TUBGCP2: variants seen among roughly 807,000 people sequenced by gnomAD.
TUBGCP2 encodes the protein tubulin gamma complex component 2.
TUBGCP2 carries 55 observed loss-of-function variants against 92.2 expected under a neutral mutation model. That is an observed-to-expected ratio of 0.60 (90% confidence interval 0.48 to 0.75). TUBGCP2 has a LOEUF of 0.75. Among genes scored for constraint, TUBGCP2 ranks in the 30% least tolerant of loss-of-function variants. TUBGCP2 has a pLI of 0.00. For synonymous variants in TUBGCP2, 533 were observed against 505.2 expected (o/e 1.06, Z -0.74); for missense variants, 1,093 against 1,188.9 (o/e 0.92, Z 1.19).
At chr10:133,298,768 C>T (rs922603422) in intron 4 of TUBGCP2, among the ~76,000 whole-genome samples, 51 of 152,338 alleles carry the variant, frequency 3.3e-4, no homozygotes, top group African/African-American at 1.2e-3. Flanking sequence ...CTGAGGGAGA[C>T]GTGGACAGAG....
upstream of TUBGCP2, chr10:133,310,376 A>T (rs775936204): frequency 5.3e-4 from 825 of 1,542,074 alleles, 12 homozygotes; most frequent in Middle Eastern, 3.4e-4. Flanking sequence ...GGTCAGACTT[A>T]TTAAGCACTT....
At position 133,289,911 on chromosome 10, in the gene TUBGCP2, C is replaced by G; in HGVS notation, c.1273G>C (p.Asp425His). ...GTGTACCGCTGGTCCCAGTACTTGT[C>G]GTTGTAATCCTCCTGGATCCTCTCC... ...RKERIQEDYN[D>H]KYWDQRYTIV... The change falls in exon 9 of 18, where the codon GAC (aspartate) becomes CAC (histidine). Residue 425 changes from aspartate to histidine, a missense_variant. By Grantham distance (81) the Asp-to-His change is moderately conservative. Around this residue, in one of 3 missense-constraint regions of TUBGCP2, gnomAD observed 598 missense variants for 675.5 expected, o/e 0.89. Transcript: ENST00000252936. The G allele has an allele frequency of 1.3e-6, 2 of 1,574,788 alleles. No homozygotes were observed. The highest frequency in any genetic ancestry group is 1.7e-6 in the Non-Finnish European group (2 of 1,160,938).
chr10:133,289,722 A>C, intron 9 of TUBGCP2, 102 bp downstream of exon 9: 11 of 1,363,948 alleles, frequency 8.1e-6, no homozygotes, highest in Non-Finnish European at 9.8e-6. Context: ...CAGGGCAACC[A>C]CAGGGTGAGG....
chr10:133,291,217 C>T (rs528632020), intron 8 of TUBGCP2, among the ~76,000 whole-genome samples: 7 of 151,090 alleles, frequency 4.6e-5, no homozygotes, highest in South Asian at 2.1e-4. Flanking sequence ...GGCCAGAGCC[C>T]CCAGAGAGGG....
At chr10:133,293,478 C>T in intron 6 of TUBGCP2, 84 bp downstream of exon 6, 1 of 1,455,268 alleles carries the variant, frequency 6.9e-7, no homozygotes, top group Admixed American at 2.0e-5. Flanking sequence ...AGAAGCGATG[C>T]AGACGTCCCC....
At chr10:133,287,221 G>A (rs1426386304) in intron 11 of TUBGCP2, among the ~76,000 whole-genome samples, 1 of 152,210 alleles carries the variant, frequency 6.6e-6, no homozygotes, top group East Asian at 1.9e-4. Flanking sequence ...AAGGGACTGA[G>A]CAGACCTGTG....
chr10:133,306,284 G>A (rs553096204), intron 1 of TUBGCP2, among the ~76,000 whole-genome samples: 68 of 152,270 alleles, frequency 4.5e-4, no homozygotes, highest in African/African-American at 1.1e-3. Flanking sequence ...TCCGGCCAGC[G>A]GCCCCTTCAA....
upstream of TUBGCP2, chr10:133,310,590 C>A (rs750360073): frequency 2.5e-6 from 1 of 406,998 alleles, no homozygotes; most frequent in Admixed American, 4.0e-5. Flanking sequence ...CTGGGCCATG[C>A]CTGTACCTCC....
intron 17 of TUBGCP2, among the ~76,000 whole-genome samples, chr10:133,280,454 G>C (rs1846938438): frequency 6.6e-6 from 1 of 152,200 alleles, no homozygotes; most frequent in Admixed American, 6.5e-5. Flanking sequence ...ACCCCCAAGG[G>C]CACCACCCCT....
chr10:133,299,645 C>A lies in TUBGCP2; in HGVS notation c.280-42G>T, dbSNP rs754201164. ...CTGTGTGTTCACACTGGGCCAGCAC[C>A]TCTTTGGCCATAGGGGGAGAGTAGG... On this transcript the variant is annotated intron_variant, in intron 3 of 17. Coordinates refer to ENST00000252936, the MANE Select transcript of TUBGCP2 (RefSeq NM_006659.4). 7 of 1,530,366 alleles carry A rather than the reference C, an allele frequency of 4.6e-6. No individual in the cohort carries two copies. The South Asian group carries it at 7.2e-5, about 16-fold the overall frequency. The allele number at this position is 1,530,366 out of a possible 1,614,324, so 94.8% of individuals were successfully genotyped here.
rs758268995 is a variant in TUBGCP2, at chr10:133,299,569, C to T, written c.314G>A (p.Arg105Lys). ...LQYLQQNAKE[R>K]AELAAAAVGS... ...CACAGCAGCGGCTGCAAGCTCAGCT[C>T]TTTCTTTTGCATTCTGTTGTAAGTA... Residue 105 changes from arginine (R) to lysine (K), a missense_variant, in exon 4 of 18, where the codon AGA becomes AAA. Physicochemically the swap from Arg to Lys is conservative, Grantham distance 26. Transcript: ENST00000252936. 1 of 1,613,128 alleles carries T rather than the reference C, an allele frequency of 6.2e-7. No homozygotes were observed. The highest frequency in any genetic ancestry group is 8.5e-7 in the Non-Finnish European group (1 of 1,179,600).
Position 133,297,991 on chromosome 10 carries a change from T to G in TUBGCP2, c.577A>C (p.Ile193Leu). ...ERPALIGDFL[I>L]GAGISTDTAL... Reference sequence around the variant, plus strand: ...GTGTCTGTGCTGATGCCAGCACCAATCAGGAAATCCCCGATCAGGGCAGGT... The same window carrying G: ...GTGTCTGTGCTGATGCCAGCACCAAGCAGGAAATCCCCGATCAGGGCAGGT... Residue 193 changes from isoleucine (I) to leucine (L), a missense_variant, in exon 5 of 18, where the codon ATT becomes CTT. Ile to Leu is a conservative substitution (Grantham distance 5). Coordinates refer to ENST00000252936, the MANE Select transcript of TUBGCP2 (RefSeq NM_006659.4). 6.2e-7 allele frequency: 1 copy of G among 1,613,898 alleles called. No homozygotes were observed. Among genetic ancestry groups the G allele is most frequent in the Non-Finnish European group, 8.5e-7 (1 of 1,179,918 alleles).
rs755717429 is a variant in TUBGCP2, at chr10:133,279,754, C to T, written c.*12G>A. 2 of 1,549,046 alleles carry T rather than the reference C, an allele frequency of 1.3e-6. No individual in the cohort carries two copies. The highest frequency in any genetic ancestry group is 1.2e-5 in the South Asian group (1 of 84,264). ...CTGACCCCACACCCTTCCTTCCTGT[C>T]ACAGCCAGGGCTCACTGTGCGGTGA... On this transcript the variant is annotated 3_prime_UTR_variant, in exon 18 of 18. Coordinates refer to ENST00000252936, the MANE Select transcript of TUBGCP2 (RefSeq NM_006659.4).
At chr10:133,310,239 C>T, upstream of TUBGCP2, 1 of 1,614,062 alleles carries the variant, frequency 6.2e-7, no homozygotes, top group Non-Finnish European at 8.5e-7. Context: ...GGTGAGGATG[C>T]ACCTGTACCC....
intron 1 of TUBGCP2, among the ~76,000 whole-genome samples, chr10:133,305,837 T>G (rs1411278320): frequency 6.6e-6 from 1 of 152,204 alleles, no homozygotes; most frequent in African/African-American, 2.4e-5. Flanking sequence ...TCACGGTAAC[T>G]ACAGTTCAAG....
At position 133,293,680 on chromosome 10, in the gene TUBGCP2, G is replaced by A. The variant is rs747298520; in HGVS notation, c.706C>T (p.Gln236Ter). 1 of 1,602,614 alleles carries A rather than the reference G, an allele frequency of 6.2e-7. No homozygotes were observed. The highest frequency in any genetic ancestry group is 8.5e-7 in the Non-Finnish European group (1 of 1,175,432). Residue 236 changes from glutamine (Q) to a stop codon, truncating the protein, a stop_gained, in exon 6 of 18, where the codon CAG becomes TAG. Coordinates refer to ENST00000252936, the MANE Select transcript of TUBGCP2 (RefSeq NM_006659.4). LOFTEE classifies it high-confidence loss of function. ...VGVDGRYVSA[Q>*]PLAGRQSRTF... is the part of the protein sequence containing the mutation. ...CGGCTCTGCCTCCCAGCCAGGGGCT[G>A]AGCACTGACGTACCTCCCGTCCACG... is the stretch of plus-strand genomic sequence containing the variant.
In TUBGCP2 at chr10:133,292,447, T is replaced by G. The variant is rs1489310219; in HGVS notation, c.1214+52A>C. Reference sequence around the variant, plus strand: ...GCATGCACACTCCGTGTCCCCCATGTCCCTCCGTGTCCCCGTGTCCCTCCG... The same window carrying G: ...GCATGCACACTCCGTGTCCCCCATGGCCCTCCGTGTCCCCGTGTCCCTCCG... On this transcript the variant is annotated intron_variant, in intron 8 of 17. Transcript: ENST00000252936. The G allele has an allele frequency of 4.5e-6, 2 of 446,784 alleles. 1 individual carries two copies. The highest frequency in any genetic ancestry group is 5.9e-6 in the Non-Finnish European group (2 of 339,752). 27.7% of individuals were successfully genotyped at this position (446,784 alleles called of 1,614,324 possible).
rs529819974 is a variant in TUBGCP2 at position 133,283,943 on chromosome 10, T to C, written c.2084A>G (p.Tyr695Cys). ...RMLNFVQNIQ[Y>C]YMMFEVMEPT... ...TTCCATCACTTCAAACATCATGTAG[T>C]ATTGAATATTCTGGACGAAGTTGAG... The change falls in exon 14 of 18, where the codon TAC (tyrosine) becomes TGC (cysteine). Residue 695 changes from tyrosine (Y) to cysteine (C), a missense_variant. Tyr to Cys is a radical substitution (Grantham distance 194). Coordinates refer to ENST00000252936, the MANE Select transcript of TUBGCP2 (RefSeq NM_006659.4). 6.2e-7 allele frequency: 1 copy of C among 1,614,148 alleles called. No homozygotes were observed.
In TUBGCP2 at chr10:133,285,769, A is replaced by T; in HGVS notation, c.1723-141T>A. The T allele has an allele frequency of 1.3e-6, 1 of 785,476 alleles. No homozygotes were observed. The highest frequency in any genetic ancestry group is 1.8e-6 in the Non-Finnish European group (1 of 555,734). 48.7% of individuals were successfully genotyped at this position (785,476 alleles called of 1,614,324 possible). The stretch of plus-strand genomic sequence containing the variant: ...CGATTCTAAATATCAGAGGCTTTTC[A>T]AAAACCCAAACATCTACTGATAAAT... On this transcript the variant is annotated intron_variant, in intron 11 of 17. Transcript: ENST00000252936. The surrounding 1 kb of genome is among the most constrained non-coding windows in gnomAD (Gnocchi z 6.8).
Sources: allele counts gnomAD v4.1 joint callset (sites outside exome capture counted in the v4.1 genomes callset), GRCh38; gene constraint gnomAD v4.1.1; regional missense constraint gnomAD v4.1.1; non-coding constraint Gnocchi (gnomAD v3.1); transcripts MANE v1.5; gene names NCBI Gene and HGNC (gene_info 2026-07-23, HGNC 2026-07-21).